The following UNC79 variants were observed in gnomAD, a reference collection of about 807,000 sequenced individuals.
UNC79 encodes unc-79 subunit of NALCN channel complex.
UNC79 carries 37 observed loss-of-function variants against 283.1 expected under a neutral mutation model. That is an observed-to-expected ratio of 0.13 (90% CI 0.10 to 0.17). UNC79 has a LOEUF of 0.17. Among genes scored for constraint, UNC79 ranks in the 10% least tolerant of loss-of-function variants. The pLI is 1.00. For synonymous variants in UNC79, 1,107 were observed against 1,200.2 expected (o/e 0.92, Z 1.61); for missense variants, 2,272 against 3,211.1 (o/e 0.71, Z 7.07).
At chr14:93,411,563 C>T (rs1426099078) in intron 1 of UNC79, among the ~76,000 whole-genome samples, 1 of 152,260 alleles carries the variant, frequency 6.6e-6, no homozygotes, top group Non-Finnish European at 1.5e-5. Context: ...TGTCACTCCA[C>T]CTCCAGCCCC....
intron 1 of UNC79, among the ~76,000 whole-genome samples, chr14:93,380,193 CCAGGTT>C (rs1566902939): frequency 6.6e-6 from 1 of 152,106 alleles, no homozygotes; most frequent in African/African-American, 2.4e-5. Flanking sequence ...TTTTCTATCT[CCAGGTT>C]CAGGAAAAAT....
At chr14:93,537,968 T>C (rs60388385) in intron 11 of UNC79, 21 bp from the exon 12 acceptor site, 154,798 of 1,591,932 alleles carry the variant, frequency 0.097, 8,290 homozygotes, top group Middle Eastern at 0.17. Flanking sequence ...TTTTAATTGA[T>C]TTCACTTTCT....
At chr14:93,593,443 T>G (rs1355320458) in intron 22 of UNC79, among the ~76,000 whole-genome samples, 1 of 152,228 alleles carries the variant, frequency 6.6e-6, no homozygotes, top group Non-Finnish European at 1.5e-5. Context: ...TTATGCAGAT[T>G]TTTAAGTTAT....
rs2057719328 is a variant in UNC79, at chr14:93,474,990, T to A, written c.448+597T>A. ...TGCTGTATTCAGCATATGGTATTAG[T>A]GGTGCTATGTGCTATTTGCAGTATG... On this transcript the variant is annotated intron_variant, in intron 3 of 48. Transcript: ENST00000555664. The surrounding 1 kb of genome is among the most constrained non-coding windows in gnomAD (Gnocchi z 4.1). 6.6e-6 allele frequency among the ~76,000 whole-genome samples: 1 copy of A among 152,206 alleles called. No individual in the cohort carries two copies. Among genetic ancestry groups the A allele is most frequent in the Admixed American group, 6.5e-5 (1 of 15,284 alleles).
At chr14:93,370,779 AAAAG>A (rs1396837691) in intron 1 of UNC79, among the ~76,000 whole-genome samples, 5 of 152,172 alleles carry the variant, frequency 3.3e-5, no homozygotes, top group African/African-American at 7.2e-5. Flanking sequence ...CTCAAAAAGA[AAAAG>A]AAAAAGAAAA....
chr14:93,635,809 C>A (rs1596171093), intron 31 of UNC79, among the ~76,000 whole-genome samples: 4 of 152,180 alleles, frequency 2.6e-5, no homozygotes, highest in Admixed American at 2.6e-4. Context: ...CAAGAGCCAA[C>A]AGGCAAGGGA....
intron 14 of UNC79, among the ~76,000 whole-genome samples, chr14:93,559,700 G>T (rs1800305332): frequency 6.6e-6 from 1 of 152,066 alleles, no homozygotes; most frequent in Non-Finnish European, 1.5e-5. Context: ...CACTTCTTTT[G>T]TGGTGGAATG....
intron 32 of UNC79, among the ~76,000 whole-genome samples, chr14:93,639,305 T>A (rs568666102): frequency 4.6e-5 from 7 of 152,372 alleles, no homozygotes; most frequent in Admixed American, 3.9e-4. Flanking sequence ...CTGGTCAATG[T>A]GGTCTGTCAA....
chr14:93,487,574 A>G, intron 4 of UNC79, 89 bp from the exon 5 acceptor site: 1 of 1,043,814 alleles, frequency 9.6e-7, no homozygotes, highest in Non-Finnish European at 1.4e-6. Context: ...TTTTTTTTTA[A>G]AGTTCCTTCT....
At chr14:93,663,167 C>T (rs1167802977) in intron 40 of UNC79, among the ~76,000 whole-genome samples, 1 of 152,152 alleles carries the variant, frequency 6.6e-6, no homozygotes, top group Non-Finnish European at 1.5e-5. Flanking sequence ...GTCTGTCTCT[C>T]CAGGTCTGGG....
At chr14:93,673,236 T>G in intron 40 of UNC79, 115 bp from the exon 44 acceptor site, 1 of 882,484 alleles carries the variant, frequency 1.1e-6, no homozygotes, top group South Asian at 1.8e-5. Flanking sequence ...ACTATGCATT[T>G]TTGAATACTG....
chr14:93,458,563 T>C (rs562715107), intron 1 of UNC79, among the ~76,000 whole-genome samples: 1 of 152,126 alleles, frequency 6.6e-6, no homozygotes, highest in African/African-American at 2.4e-5. Flanking sequence ...GGGGGCTCCA[T>C]AGGAATGAGA....
chr14:93,385,640 G>A (rs1010039733), intron 1 of UNC79, among the ~76,000 whole-genome samples: 8 of 151,990 alleles, frequency 5.3e-5, no homozygotes, highest in Non-Finnish European at 8.8e-5. Context: ...TTAGCCAGGC[G>A]TGTTGGTGCA....
At chr14:93,394,720 A>T (rs1475694530) in intron 1 of UNC79, among the ~76,000 whole-genome samples, 1 of 151,032 alleles carries the variant, frequency 6.6e-6, no homozygotes, top group South Asian at 2.1e-4. Context: ...TTATGTTTTT[A>T]TTATTTTTAG....
At chr14:93,542,500 C>G in exon 14 of UNC79, 1 of 1,614,192 alleles carries the variant, frequency 6.2e-7, no homozygotes, top group Non-Finnish European at 8.5e-7. Context: ...AACACGCCTA[C>G]AGAAAGCTTG....
At chr14:93,644,635 A>T (rs1192403447) in intron 34 of UNC79, among the ~76,000 whole-genome samples, 1 of 152,210 alleles carries the variant, frequency 6.6e-6, no homozygotes, top group Admixed American at 6.5e-5. Context: ...AAAGTTTATA[A>T]GGAGGAGGTA....
chr14:93,477,797 T>C (rs1261080475), intron 4 of UNC79, 69 bp downstream of exon 4: 3 of 1,459,682 alleles, frequency 2.1e-6, no homozygotes, highest in African/African-American at 2.8e-5. Context: ...CTTTTGCTGT[T>C]ATAGGCTCTA....
chr14:93,340,441 C>CAAAA (rs1193751068), intron 1 of UNC79, among the ~76,000 whole-genome samples: 1,598 of 64,072 alleles, frequency 0.025, 22 homozygotes, highest in East Asian at 0.075. Flanking sequence ...AACGCTGTCT[C>CAAAA]AAAAAAAAAA....
At chr14:93,363,323 A>G (rs1383196811) in intron 1 of UNC79, among the ~76,000 whole-genome samples, 1 of 152,092 alleles carries the variant, frequency 6.6e-6, no homozygotes, top group African/African-American at 2.4e-5. Context: ...GTAGCTTGAG[A>G]GCGTAATTGT....
Sources: allele counts gnomAD v4.1 joint callset (sites outside exome capture counted in the v4.1 genomes callset), GRCh38; gene constraint gnomAD v4.1.1; non-coding constraint Gnocchi (gnomAD v3.1); transcripts MANE v1.5; gene names NCBI Gene and HGNC (gene_info 2026-07-23, HGNC 2026-07-21).